Variants in CMTM6 observed in about 807,000 individuals in gnomAD.
CMTM6 encodes CKLF like MARVEL transmembrane domain containing 6.
In CMTM6, 5 loss-of-function variants were observed where a neutral mutation model predicts 13.6. That is an observed-to-expected ratio of 0.37 (90% CI 0.19 to 0.77). The LOEUF is 0.77. Ranked by LOEUF, CMTM6 falls within the 30% of genes least tolerant of loss-of-function variation. The probability of loss-of-function intolerance (pLI) is 0.50; values close to 1 mark genes in which losing one functional copy is unlikely to be tolerated. For missense variants in CMTM6, 196 were observed against 218.6 expected, an observed-to-expected ratio of 0.90 and a Z score of 0.65; for synonymous variants, 99 against 84.5, an observed-to-expected ratio of 1.17 and a Z score of -0.94.
intron 1 of CMTM6, among the ~76,000 whole-genome samples, chr3:32,499,303 T>C (rs1277738540): frequency 6.6e-6 from 1 of 152,170 alleles, no homozygotes; most frequent in Non-Finnish European, 1.5e-5. Flanking sequence ...AAGTAATCTG[T>C]TTCTTGGTAC....
chr3:32,499,499 G>A (rs1220108320), intron 1 of CMTM6, among the ~76,000 whole-genome samples: 6 of 152,122 alleles, frequency 3.9e-5, no homozygotes, highest in Non-Finnish European at 5.9e-5. Context: ...CTGCACCAGC[G>A]TATCAGCAAG....
intron 1 of CMTM6, among the ~76,000 whole-genome samples, chr3:32,500,543 C>T (rs762933032): frequency 1.3e-5 from 2 of 152,202 alleles, no homozygotes; most frequent in Non-Finnish European, 2.9e-5. Flanking sequence ...AAATGGATTT[C>T]ATAAAGAGAT....
Position 32,483,798 on chromosome 3 carries a change from TG to T in CMTM6, c.*161del. ...TTTTTAACTTATCTGGCCTACTTTG[TG>T]GTGACTGACACAATATTGATAAAAC... On this transcript the variant is annotated 3_prime_UTR_variant, in exon 4 of 4. Transcript: ENST00000205636. 1.6e-6 allele frequency: 1 copy of T among 631,728 alleles called. No individual in the cohort carries two copies. Among genetic ancestry groups the T allele is most frequent in the Non-Finnish European group, 2.4e-6 (1 of 419,024 alleles). 39.1% of individuals were successfully genotyped at this position (631,728 alleles called of 1,614,324 possible). A position where few individuals can be genotyped will look rare whatever the true frequency, so the allele number is the denominator to read the frequency against.
In CMTM6 at chr3:32,490,255, A is replaced by AG. The variant is rs1392900038; in HGVS notation, c.315+1454_315+1455insC. 2.6e-5 allele frequency among the ~76,000 whole-genome samples: 4 copies of AG among 152,262 alleles called. No individual in the cohort carries two copies. The East Asian group carries it at 7.7e-4, about 29-fold the overall frequency. On this transcript the variant is annotated intron_variant, in intron 2 of 3. Transcript: ENST00000205636. The stretch of plus-strand genomic sequence containing the variant: ...AGCAAGACTTCTCAAAAAAAAAAAA[A>AG]AAGTTATTCTTCTTTAGGCACCACC...
At chr3:32,486,686 CATA>C (rs1192400634) in intron 3 of CMTM6, among the ~76,000 whole-genome samples, 2 of 152,116 alleles carry the variant, frequency 1.3e-5, no homozygotes, top group Non-Finnish European at 2.9e-5. Context: ...GGTAATCCAC[CATA>C]ATAAGTGATA....
intron 1 of CMTM6, among the ~76,000 whole-genome samples, chr3:32,502,356 G>C (rs1108259): frequency 0.082 from 12,450 of 152,298 alleles, 566 homozygotes; most frequent in Middle Eastern, 0.15. Context: ...CGCATTTCCT[G>C]AGCCCGCCTA....
intron 3 of CMTM6, 142 bp from the exon 4 acceptor site, chr3:32,484,239 A>T (rs549216345): frequency 2.9e-4 from 191 of 655,788 alleles, no homozygotes; most frequent in East Asian, 2.2e-3. Context: ...TGGTAAAAAA[A>T]ATTTTTTTAA....
Position 32,502,814 on chromosome 3 carries a change from C to CCGACAACTTTTTTTCATAA in CMTM6, c.-70_-69insTTATGAAAAAAAGTTGTCG. 1 of 1,353,836 alleles carries CCGACAACTTTTTTTCATAA rather than the reference C, an allele frequency of 7.4e-7. No homozygotes were observed. The highest frequency in any genetic ancestry group is 9.5e-7 in the Non-Finnish European group (1 of 1,052,934). 83.9% of individuals were successfully genotyped at this position (1,353,836 alleles called of 1,614,324 possible). A position where few individuals can be genotyped will look rare whatever the true frequency, so the allele number is the denominator to read the frequency against. On this transcript the variant is annotated 5_prime_UTR_variant, in exon 1 of 4. In the 5' UTR this introduces an upstream ATG that the reference lacks. Transcript: ENST00000205636. ...TGACTTCTCGGACTCCAGAAGTCCC[C>CCGACAACTTTTTTTCATAA]GGTAGCCGGGAGGCGGCCGTCACTT...
rs538526408 is a variant in CMTM6 at position 32,491,874 on chromosome 3, G to A, written c.151C>T (p.Leu51=). Residue 51 remains leucine (L), a synonymous_variant, in exon 2 of 4, where the codon CTG becomes TTG. Coordinates refer to ENST00000205636, the MANE Select transcript of CMTM6 (RefSeq NM_017801.3). ...LKGLQLLLSL[L]AFICEEVVSQ... is the part of the protein sequence containing the mutation. The stretch of plus-strand genomic sequence containing the variant: ...ACAACTTCTTCACAGATGAAGGCCA[G>A]CAGAGACAGCAACTACAAATGAAGC... 1 of 1,605,108 alleles carries A rather than the reference G, an allele frequency of 6.2e-7. No homozygotes were observed. Among genetic ancestry groups the A allele is most frequent in the East Asian group, 2.2e-5 (1 of 44,786 alleles).
intron 1 of CMTM6, among the ~76,000 whole-genome samples, chr3:32,496,430 G>A (rs565952650): frequency 1.2e-3 from 182 of 150,970 alleles, no homozygotes; most frequent in African/African-American, 3.9e-3. Context: ...AAAAAAAAAA[G>A]AAAAAAAATT....
At chr3:32,484,167 G>T in intron 3 of CMTM6, 70 bp from the exon 4 acceptor site, 1 of 1,282,860 alleles carries the variant, frequency 7.8e-7, no homozygotes, top group Non-Finnish European at 1.0e-6. Context: ...TACTTGGCTT[G>T]GAGAATGTTT....
At position 32,482,865 on chromosome 3, in the gene CMTM6, C is replaced by T. The variant is rs1378341312; in HGVS notation, c.*1095G>A. 4 of 151,848 alleles carry T rather than the reference C, an allele frequency of 2.6e-5. No homozygotes were observed. Among genetic ancestry groups the T allele is most frequent in the African/African-American group, 9.7e-5 (4 of 41,296 alleles). 9.4% of individuals were successfully genotyped at this position (151,848 alleles called of 1,614,324 possible). A position where few individuals can be genotyped will look rare whatever the true frequency, so the allele number is the denominator to read the frequency against. Reference sequence around the variant, plus strand: ...AGACAACTGACAAAAAGTGTCAGAGCCAGAGGCCAACCTCTGCTAGATGAA... The same window carrying T: ...AGACAACTGACAAAAAGTGTCAGAGTCAGAGGCCAACCTCTGCTAGATGAA... On this transcript the variant is annotated 3_prime_UTR_variant, in exon 4 of 4. Transcript: ENST00000205636.
Position 32,481,500 on chromosome 3 carries a change from TTTCTC to T in CMTM6, c.*2455_*2459del, listed in dbSNP as rs1252023790. On this transcript the variant is annotated 3_prime_UTR_variant, in exon 4 of 4. Coordinates refer to ENST00000205636, the MANE Select transcript of CMTM6 (RefSeq NM_017801.3). ...ATAAAATTTTTGTACTGTGAGTTCA[TTTCTC>T]TTATAATTCTTGAGAACCATTCTAA... 1 of 152,194 alleles carries T rather than the reference TTTCTC, an allele frequency of 6.6e-6. No individual in the cohort carries two copies. Among genetic ancestry groups the T allele is most frequent in the Non-Finnish European group, 1.5e-5 (1 of 68,038 alleles). 9.4% of individuals were successfully genotyped at this position (152,194 alleles called of 1,614,324 possible). A position where few individuals can be genotyped will look rare whatever the true frequency, so the allele number is the denominator to read the frequency against.
chr3:32,494,599 G>T (rs911246869), intron 1 of CMTM6, among the ~76,000 whole-genome samples: 1 of 151,606 alleles, frequency 6.6e-6, no homozygotes, highest in Non-Finnish European at 1.5e-5. Flanking sequence ...ATTCATAGTA[G>T]CCCCAAACTA....
Position 32,481,573 on chromosome 3 carries a change from A to T in CMTM6, c.*2387T>A, listed in dbSNP as rs1697153823. On this transcript the variant is annotated 3_prime_UTR_variant, in exon 4 of 4. Coordinates refer to ENST00000205636, the MANE Select transcript of CMTM6 (RefSeq NM_017801.3). Reference sequence around the variant, plus strand: ...AATATAAAATTTATCATAACTGTTAATTTAAAAATTATTTTAAATTTGAGT... The same window carrying T: ...AATATAAAATTTATCATAACTGTTATTTTAAAAATTATTTTAAATTTGAGT... 6.6e-6 allele frequency: 1 copy of T among 152,152 alleles called. No homozygotes were observed. The highest frequency in any genetic ancestry group is 1.5e-5 in the Non-Finnish European group (1 of 68,018). 9.4% of individuals were successfully genotyped at this position (152,152 alleles called of 1,614,324 possible).
chr3:32,497,099 C>T (rs2125659127), intron 1 of CMTM6, among the ~76,000 whole-genome samples: 1 of 152,182 alleles, frequency 6.6e-6, no homozygotes, highest in South Asian at 2.1e-4. Context: ...AAGAAAACTC[C>T]TACACCGGGC....
At chr3:32,490,766 TG>T (rs1314666004) in intron 2 of CMTM6, among the ~76,000 whole-genome samples, 1 of 152,204 alleles carries the variant, frequency 6.6e-6, no homozygotes, top group African/African-American at 2.4e-5. Context: ...AATATTTTTA[TG>T]GTGATATTGT....
At chr3:32,494,706 T>G (rs376998257) in intron 1 of CMTM6, among the ~76,000 whole-genome samples, 1 of 152,044 alleles carries the variant, frequency 6.6e-6, no homozygotes, top group Non-Finnish European at 1.5e-5. Context: ...ATATGTAATG[T>G]CCTAGATGAA....
Position 32,502,813 on chromosome 3 carries a change from C to T in CMTM6, c.-68G>A. ...TTGACTTCTCGGACTCCAGAAGTCC[C>T]CGGTAGCCGGGAGGCGGCCGTCACT... On this transcript the variant is annotated 5_prime_UTR_variant, in exon 1 of 4. Coordinates refer to ENST00000205636, the MANE Select transcript of CMTM6 (RefSeq NM_017801.3). 2 of 1,356,692 alleles carry T rather than the reference C, an allele frequency of 1.5e-6. No individual in the cohort carries two copies. The highest frequency in any genetic ancestry group is 1.9e-6 in the Non-Finnish European group (2 of 1,054,648). 84.0% of individuals were successfully genotyped at this position (1,356,692 alleles called of 1,614,324 possible). A position where few individuals can be genotyped will look rare whatever the true frequency, so the allele number is the denominator to read the frequency against.
Sources: allele counts gnomAD v4.1 joint callset (sites outside exome capture counted in the v4.1 genomes callset), GRCh38; gene constraint gnomAD v4.1.1; transcripts MANE v1.5; gene names NCBI Gene and HGNC (gene_info 2026-07-23, HGNC 2026-07-21).